The following SUPT5H variants were observed in gnomAD, a reference collection of about 807,000 sequenced individuals.
SUPT5H encodes the protein SPT5 homolog, DSIF elongation factor subunit.
SUPT5H carries 24 observed loss-of-function variants against 142.5 expected under a neutral mutation model. The ratio of observed to expected loss-of-function variants is 0.17; its 90% CI spans 0.12 to 0.24. The LOEUF (loss-of-function observed/expected upper bound fraction) is 0.24. Among genes scored for constraint, SUPT5H ranks in the 10% least tolerant of loss-of-function variants. SUPT5H has a pLI of 1.00. For synonymous variants in SUPT5H, 546 were observed against 553.0 expected (o/e 0.99, Z 0.18); for missense variants, 893 against 1,471.8 (o/e 0.61, Z 6.43).
In SUPT5H at chr19:39,476,486, A is replaced by G. The variant is rs1456305798; in HGVS notation, c.*87A>G. On this transcript the variant is annotated 3_prime_UTR_variant, in exon 30 of 30. Coordinates refer to ENST00000432763, the MANE Select transcript of SUPT5H (RefSeq NM_001111020.3). ...TGGCTGTGACACAAGATCCTCCTGC[A>G]GGGCTAGGCGGATTGTTCTGGATTT... 1 of 1,510,978 alleles carries G rather than the reference A, an allele frequency of 6.6e-7. No individual in the cohort carries two copies. Among genetic ancestry groups the G allele is most frequent in the East Asian group, 2.3e-5 (1 of 44,156 alleles). 93.6% of individuals were successfully genotyped at this position (1,510,978 alleles called of 1,614,324 possible).
chr19:39,461,880 C>T (rs2079167964), intron 10 of SUPT5H, among the ~76,000 whole-genome samples: 1 of 151,604 alleles, frequency 6.6e-6, no homozygotes. Flanking sequence ...CTCAAATCCT[C>T]CTACATGGTA....
At chr19:39,447,785 C>T (rs2078972031) in intron 2 of SUPT5H, among the ~76,000 whole-genome samples, 1 of 152,184 alleles carries the variant, frequency 6.6e-6, no homozygotes, top group Admixed American at 6.5e-5. Flanking sequence ...TTTGCATCTA[C>T]TACTGTGTTC....
chr19:39,464,688 T>G, intron 10 of SUPT5H, 110 bp from the exon 11 acceptor site: 1 of 1,453,706 alleles, frequency 6.9e-7, no homozygotes, highest in Non-Finnish European at 9.3e-7. Flanking sequence ...TGTGCCAGTG[T>G]GTTTCTGTGG....
In SUPT5H at chr19:39,458,234, ACC is replaced by A; in HGVS notation, c.308-59_308-58del. ...GCTCATACTTTGTCTGCCCTCGCCC[ACC>A]ACCACCACCACCACCACCACCACCA... On this transcript the variant is annotated intron_variant, in intron 4 of 29. Transcript: ENST00000432763. This position sits in a 1 kb window ranked among gnomAD's most constrained non-coding sequence, Gnocchi z 4.2. The A allele has an allele frequency of 7.1e-6, 2 of 279,846 alleles. No homozygotes were observed. The highest frequency in any genetic ancestry group is 8.3e-6 in the Non-Finnish European group (2 of 240,302). The allele number at this position is 279,846 out of a possible 1,614,324, so 17.3% of individuals were successfully genotyped here.
chr19:39,465,184 T>G, intron 11 of SUPT5H, 135 bp downstream of exon 11: 2 of 1,323,216 alleles, frequency 1.5e-6, no homozygotes, highest in South Asian at 2.9e-5. Flanking sequence ...GAGCCTGGGT[T>G]TTGTGAGCAC....
rs1413335154 is a variant in SUPT5H, at chr19:39,458,257, C to T, written c.308-37C>T. On this transcript the variant is annotated intron_variant, in intron 4 of 29. Coordinates refer to ENST00000432763, the MANE Select transcript of SUPT5H (RefSeq NM_001111020.3). The surrounding 1 kb of genome is among the most constrained non-coding windows in gnomAD (Gnocchi z 4.2). ...CCACCACCACCACCACCACCACCAC[C>T]ACCACCACCACCACCACCTCCTCTT... is the stretch of plus-strand genomic sequence containing the variant. The T allele has an allele frequency of 4.4e-6, 7 of 1,574,064 alleles. No homozygotes were observed. The highest frequency in any genetic ancestry group is 3.5e-5 in the Admixed American group (2 of 57,532).
chr19:39,469,350 C>T lies in SUPT5H; in HGVS notation c.1326C>T (p.Ser442=), dbSNP rs750870340. Reference sequence around the variant, plus strand: ...TCAACCTGCAGGGCAAGATCCTCAGCGTGGATGGCAACAAGATCACCATCA... The same window carrying T: ...TCAACCTGCAGGGCAAGATCCTCAGTGTGGATGGCAACAAGATCACCATCA... ...ELINLQGKIL[S]VDGNKITIMP... is the part of the protein sequence containing the mutation. The change falls in exon 16 of 30, where the codon AGC becomes AGT. Residue 442 remains serine, a synonymous_variant. Coordinates refer to ENST00000432763, the MANE Select transcript of SUPT5H (RefSeq NM_001111020.3). This position sits in a 1 kb window ranked among gnomAD's most constrained non-coding sequence, Gnocchi z 5.1. The T allele has an allele frequency of 2.3e-5, 37 of 1,614,082 alleles. No individual in the cohort carries two copies. Among genetic ancestry groups the T allele is most frequent in the Middle Eastern group, 1.6e-4 (1 of 6,084 alleles).
rs754995984 is a variant in SUPT5H, at chr19:39,469,066, G to T, written c.1144-13G>T. 16 of 1,613,858 alleles carry T rather than the reference G, an allele frequency of 9.9e-6. No individual in the cohort carries two copies. The Admixed American group carries it at 2.5e-4, about 25-fold the overall frequency. ...TCCATTTCCTTCTCTTCCCCTCACC[G>T]CTGGGGGCTTAGATCACGGAGGGTG... On this transcript the variant is annotated splice_polypyrimidine_tract_variant and intron_variant, in intron 14 of 29. Coordinates refer to ENST00000432763, the MANE Select transcript of SUPT5H (RefSeq NM_001111020.3). The surrounding 1 kb of genome is among the most constrained non-coding windows in gnomAD (Gnocchi z 5.1).
At chr19:39,465,123 C>T in intron 11 of SUPT5H, 74 bp downstream of exon 11, 2 of 1,542,030 alleles carry the variant, frequency 1.3e-6, no homozygotes, top group Admixed American at 1.9e-5. Context: ...TTGTCCTTCC[C>T]ACCCTCTTTG....
At chr19:39,455,528 G>A (rs1443849709) in intron 3 of SUPT5H, among the ~76,000 whole-genome samples, 1 of 151,858 alleles carries the variant, frequency 6.6e-6, no homozygotes, top group Non-Finnish European at 1.5e-5. Context: ...CTGCACTCTA[G>A]CTTGGGTGAC....
chr19:39,468,974 TCCCTAGGAGAATTATTCCC>T (rs2079280575), intron 14 of SUPT5H, 86 bp from the exon 15 acceptor site: 1 of 1,542,524 alleles, frequency 6.5e-7, no homozygotes, highest in South Asian at 1.1e-5. Flanking sequence ...TTAGGAGTGT[TCCCTAGGAGAATTATTCCC>T]CTAGGACCCA....
chr19:39,447,554 G>A (rs544889522), intron 2 of SUPT5H, among the ~76,000 whole-genome samples: 3 of 151,120 alleles, frequency 2.0e-5, no homozygotes, highest in East Asian at 3.9e-4. Flanking sequence ...GAGTAGCTGG[G>A]ATTACAGGCA....
Position 39,459,894 on chromosome 19 carries a change from T to G in SUPT5H, c.558T>G (p.Ile186Met), listed in dbSNP as rs1399786194. The G allele has an allele frequency of 6.2e-7, 1 of 1,614,108 alleles. No individual in the cohort carries two copies. The highest frequency in any genetic ancestry group is 8.5e-7 in the Non-Finnish European group (1 of 1,180,024). Residue 186 changes from isoleucine (I) to methionine (M), a missense_variant and splice_region_variant, in exon 10 of 30, where the codon ATT becomes ATG. By Grantham distance (10) the Ile-to-Met change is conservative. Transcript: ENST00000432763. ...CAAATCTGCCTCTCATCTTCCAGAT[T>G]GGGGAGGAACGGGCCACGGCCATTT... Reference protein sequence around the residue: ...DPNLWTVKCKIGEERATAISL... With the variant: ...DPNLWTVKCKMGEERATAISL...
rs760026663 is a variant in SUPT5H at position 39,453,397 on chromosome 19, A to G, written c.117A>G (p.Glu39=). 1.1e-5 allele frequency: 17 copies of G among 1,602,952 alleles called. No homozygotes were observed. The highest frequency in any genetic ancestry group is 1.0e-4 in the South Asian group (9 of 89,352). Residue 39 remains glutamate (E), a synonymous_variant, in exon 3 of 30, where the codon GAA becomes GAG. Coordinates refer to ENST00000432763, the MANE Select transcript of SUPT5H (RefSeq NM_001111020.3). ...ERRSAAGSEK[E]EEPEDEEEEE... The stretch of plus-strand genomic sequence containing the variant: ...GGAGTGCAGCGGGCAGTGAGAAAGA[A>G]GAAGAGCCTGAGGACGAAGAGGAGG...
Position 39,472,388 on chromosome 19 carries a change from C to T in SUPT5H, c.1951-21C>T. 1 of 1,613,038 alleles carries T rather than the reference C, an allele frequency of 6.2e-7. No individual in the cohort carries two copies. The highest frequency in any genetic ancestry group is 1.3e-5 in the African/African-American group (1 of 75,018). On this transcript the variant is annotated intron_variant, in intron 20 of 29. Coordinates refer to ENST00000432763, the MANE Select transcript of SUPT5H (RefSeq NM_001111020.3). This position sits in a 1 kb window ranked among gnomAD's most constrained non-coding sequence, Gnocchi z 4.2. ...TTCCCCCATCCCCTGCCTGCCAGTT[C>T]ACTCCTTGCTTCTATCCTAGCCCCG...
chr19:39,457,807 A>G (rs1302489313), intron 4 of SUPT5H, 67 bp downstream of exon 4: 1 of 1,610,730 alleles, frequency 6.2e-7, no homozygotes, highest in Non-Finnish European at 8.5e-7. Flanking sequence ...TTCAGAGCCC[A>G]TTCCCCCGAC....
At position 39,473,145 on chromosome 19, in the gene SUPT5H, G is replaced by A. The variant is rs764409445; in HGVS notation, c.2258+31G>A. On this transcript the variant is annotated intron_variant, in intron 23 of 29. Transcript: ENST00000432763. This position sits in a 1 kb window ranked among gnomAD's most constrained non-coding sequence, Gnocchi z 5.8. ...GGCGGGGCCTGGGGAGGGCCAGGGT[G>A]GGGCTTGCTAGGCAGTGAGAGGGGT... The A allele has an allele frequency of 1.2e-6, 2 of 1,611,386 alleles. No individual in the cohort carries two copies. Among genetic ancestry groups the A allele is most frequent in the Non-Finnish European group, 8.5e-7 (1 of 1,179,590 alleles).
At chr19:39,475,734 T>C (rs2079395887) in intron 28 of SUPT5H, 1 of 260,110 alleles carries the variant, frequency 3.8e-6, no homozygotes, top group Non-Finnish European at 7.4e-6. Context: ...GGTCCAGAGC[T>C]CTGGTGGGGC....
At position 39,473,213 on chromosome 19, in the gene SUPT5H, C is replaced by T. The variant is rs34605227; in HGVS notation, c.2269C>T (p.Arg757Cys). Residue 757 changes from arginine to cysteine, a missense_variant, in exon 24 of 30, where the codon CGC becomes TGC. By Grantham distance (180) the Arg-to-Cys change is radical. Around this residue, in one of 6 missense-constraint regions of SUPT5H, gnomAD observed 336 missense variants for 546.5 expected, o/e 0.61. Transcript: ENST00000432763. The surrounding 1 kb of genome is among the most constrained non-coding windows in gnomAD (Gnocchi z 5.8). The part of the protein sequence containing the change: ...RQRLTTVGSR[R>C]PGGMTSTYGR... ...TCTCTGCGTCCCCAGGGGCTCACGGCGCCCGGGCGGCATGACCTCGACCTA... is the reference window on the plus strand; with the variant it reads ...TCTCTGCGTCCCCAGGGGCTCACGGTGCCCGGGCGGCATGACCTCGACCTA... The T allele has an allele frequency of 1.6e-5, 26 of 1,612,372 alleles. No individual in the cohort carries two copies. In the African/African-American group the frequency reaches 1.7e-4, roughly 11 times the overall value.
Sources: allele counts gnomAD v4.1 joint callset (sites outside exome capture counted in the v4.1 genomes callset), GRCh38; gene constraint gnomAD v4.1.1; regional missense constraint gnomAD v4.1.1; non-coding constraint Gnocchi (gnomAD v3.1); transcripts MANE v1.5; gene names NCBI Gene and HGNC (gene_info 2026-07-23, HGNC 2026-07-21).